The following C3orf70 variants were observed in gnomAD, a reference collection of about 807,000 sequenced individuals.
The protein encoded by C3orf70 is UPF0524 protein C3orf70.
A neutral mutation model predicts 20.7 loss-of-function variants in C3orf70; 15 were observed. The observed-to-expected ratio is 0.72, with a 90% CI of 0.48 to 1.11. The LOEUF is 1.11. C3orf70 is among the 50% of genes most tolerant of loss of function. The probability of loss-of-function intolerance (pLI) is 0.00; values close to 1 mark genes in which losing one functional copy is unlikely to be tolerated. For missense variants in C3orf70, 332 were observed against 317.6 expected (o/e 1.05, Z -0.34); for synonymous variants, 161 against 125.7 (o/e 1.28, Z -1.88).
intron 1 of C3orf70, among the ~76,000 whole-genome samples, chr3:185,087,041 G>T (rs1715472083): frequency 6.6e-6 from 1 of 151,974 alleles, no homozygotes; most frequent in Non-Finnish European, 1.5e-5. Context: ...GGCACTGCAA[G>T]ATCCTGAATT....
At chr3:185,140,786 T>TAA (rs34759953) in intron 1 of C3orf70, among the ~76,000 whole-genome samples, 29 of 94,228 alleles carry the variant, frequency 3.1e-4, no homozygotes, top group African/African-American at 1.1e-3. Context: ...CCGTCTCTAC[T>TAA]AAAAAAAAAA....
At chr3:185,149,257 T>C (rs570002345) in intron 1 of C3orf70, among the ~76,000 whole-genome samples, 2 of 152,186 alleles carry the variant, frequency 1.3e-5, no homozygotes, top group African/African-American at 2.4e-5. Context: ...CCAGGCGTGG[T>C]GGTGCATGCC....
intron 1 of C3orf70, among the ~76,000 whole-genome samples, chr3:185,094,167 T>C (rs1561332892): frequency 1.6e-5 from 2 of 125,312 alleles, no homozygotes; most frequent in Admixed American, 2.1e-4. Context: ...AACCTCCACC[T>C]CCTGGGTTCA....
intron 1 of C3orf70, among the ~76,000 whole-genome samples, chr3:185,094,457 G>A (rs1201022835): frequency 2.0e-5 from 3 of 151,984 alleles, no homozygotes; most frequent in South Asian, 2.1e-4. Flanking sequence ...TTGAATCCCC[G>A]GATGCAGAGC....
chr3:185,147,457 TC>T (rs35978466), intron 1 of C3orf70, among the ~76,000 whole-genome samples: 7 of 152,238 alleles, frequency 4.6e-5, no homozygotes, highest in Non-Finnish European at 1.0e-4. Context: ...TTAAAAACTT[TC>T]CCCATCATTG....
chr3:185,140,085 T>A (rs1716719767), intron 1 of C3orf70, among the ~76,000 whole-genome samples: 1 of 152,124 alleles, frequency 6.6e-6, no homozygotes, highest in African/African-American at 2.4e-5. Flanking sequence ...CACCTGAACA[T>A]ACTCAAGTCC....
In C3orf70 at chr3:185,134,385, T is replaced by C. The variant is rs531361687; in HGVS notation, c.196+18243A>G. Among the ~76,000 whole-genome samples, 4 of 152,220 alleles carry C rather than the reference T, an allele frequency of 2.6e-5. No homozygotes were observed. The East Asian group carries it at 7.7e-4, about 29-fold the overall frequency. ...ATAGCTAAATACCTTAGACATTACA[T>C]ATAAAACAAACAGAAAAAGACTGAA... On this transcript the variant is annotated intron_variant, in intron 1 of 1. Coordinates refer to ENST00000335012, the MANE Select transcript of C3orf70 (RefSeq NM_001025266.3).
intron 1 of C3orf70, 128 bp downstream of exon 1, chr3:185,152,500 G>A: frequency 1.4e-6 from 1 of 738,776 alleles, no homozygotes. Context: ...GGCGGCCCCA[G>A]CCTCCGGCAG....
chr3:185,114,239 A>G (rs1279062245), intron 1 of C3orf70, among the ~76,000 whole-genome samples: 1 of 152,204 alleles, frequency 6.6e-6, no homozygotes, highest in Non-Finnish European at 1.5e-5. Flanking sequence ...GAACACAAAA[A>G]TAACTGAAAT....
rs1219163812 is a variant in C3orf70, at chr3:185,099,977, A to T, written c.197-16414T>A. Reference sequence around the variant, plus strand: ...TTAAAAAGGGCATTACATAATGGTAAAGGATTCAATTTAGCAAGAAGACGT... The same window carrying T: ...TTAAAAAGGGCATTACATAATGGTATAGGATTCAATTTAGCAAGAAGACGT... On this transcript the variant is annotated intron_variant, in intron 1 of 1. Coordinates refer to ENST00000335012, the MANE Select transcript of C3orf70 (RefSeq NM_001025266.3). Among the ~76,000 whole-genome samples, 5 of 152,344 alleles carry T rather than the reference A, an allele frequency of 3.3e-5. No individual in the cohort carries two copies. The East Asian group carries it at 9.6e-4, about 29-fold the overall frequency.
intron 1 of C3orf70, among the ~76,000 whole-genome samples, chr3:185,134,116 C>CTCATATATATATATATATATATAT (rs71298571): frequency 1.4e-4 from 19 of 134,646 alleles, no homozygotes; most frequent in Non-Finnish European, 2.6e-4. Flanking sequence ...AAAAATACAT[C>CTCATATATATATATATATATATAT]ATATATATAT....
intron 1 of C3orf70, among the ~76,000 whole-genome samples, chr3:185,108,727 T>A (rs1715998290): frequency 6.6e-6 from 1 of 152,246 alleles, no homozygotes; most frequent in Non-Finnish European, 1.5e-5. Context: ...TGCCAAATGG[T>A]ACATTCCTCA....
intron 1 of C3orf70, among the ~76,000 whole-genome samples, chr3:185,107,737 A>G (rs530168256): frequency 6.6e-6 from 1 of 152,352 alleles, no homozygotes; most frequent in East Asian, 1.9e-4. Flanking sequence ...GGAGAATGTT[A>G]ACTGACTTAA....
At chr3:185,143,034 T>C (rs1039570805) in intron 1 of C3orf70, among the ~76,000 whole-genome samples, 1 of 152,200 alleles carries the variant, frequency 6.6e-6, no homozygotes, top group Non-Finnish European at 1.5e-5. Flanking sequence ...CCCCTGGATT[T>C]TTTATAAAGT....
At chr3:185,132,938 C>T (rs1291497940) in intron 1 of C3orf70, among the ~76,000 whole-genome samples, 4 of 152,134 alleles carry the variant, frequency 2.6e-5, no homozygotes, top group African/African-American at 9.7e-5. Flanking sequence ...AAAGGAATGA[C>T]AACTGACAGC....
chr3:185,100,030 C>A (rs1473471466), intron 1 of C3orf70, among the ~76,000 whole-genome samples: 1 of 152,148 alleles, frequency 6.6e-6, no homozygotes. Context: ...ATGCACCCAA[C>A]ACAGGAGCAC....
At chr3:185,085,038 C>T (rs1414890195) in intron 1 of C3orf70, among the ~76,000 whole-genome samples, 1 of 152,164 alleles carries the variant, frequency 6.6e-6, no homozygotes, top group African/African-American at 2.4e-5. Context: ...AGGCAGCATC[C>T]TCGGCCTCTC....
rs1553918680 is a variant in C3orf70 at position 185,077,796 on chromosome 3, G to GA, written c.*5210_*5211insT. 1.3e-5 allele frequency among the ~76,000 whole-genome samples: 2 copies of GA among 150,676 alleles called. No individual in the cohort carries two copies. Among genetic ancestry groups the GA allele is most frequent in the African/African-American group, 2.4e-5 (1 of 40,934 alleles). Reference sequence around the variant, plus strand: ...AATGCTATTTGGTGGTGGTGGGGGGGGGGTATCAAGTTTTATTTGCTATAA... The same window carrying GA: ...AATGCTATTTGGTGGTGGTGGGGGGGAGGGTATCAAGTTTTATTTGCTATAA... On this transcript the variant is annotated 3_prime_UTR_variant, in exon 2 of 2. Coordinates refer to ENST00000335012, the MANE Select transcript of C3orf70 (RefSeq NM_001025266.3).
chr3:185,123,898 T>C (rs1716360616), intron 1 of C3orf70, among the ~76,000 whole-genome samples: 1 of 152,198 alleles, frequency 6.6e-6, no homozygotes, highest in Admixed American at 6.5e-5. Context: ...TTTTGATCTT[T>C]CAGAATTTCA....
Sources: allele counts gnomAD v4.1 joint callset (sites outside exome capture counted in the v4.1 genomes callset), GRCh38; gene constraint gnomAD v4.1.1; transcripts MANE v1.5; gene names NCBI Gene and HGNC (gene_info 2026-07-23, HGNC 2026-07-21).